CMTM8: variants seen among roughly 807,000 people sequenced by gnomAD.
The protein encoded by CMTM8 is CKLF like MARVEL transmembrane domain containing 8.
A neutral mutation model predicts 18.6 loss-of-function variants in CMTM8; 12 were observed. The observed-to-expected ratio is 0.65, with a 90% CI of 0.41 to 1.05. The LOEUF (loss-of-function observed/expected upper bound fraction) is 1.05, where lower values mean the gene tolerates loss of function less well. Ranked by LOEUF, CMTM8 falls within the 50% of genes least tolerant of loss-of-function variation. The probability of loss-of-function intolerance (pLI) is 0.00; values close to 1 mark genes in which losing one functional copy is unlikely to be tolerated. For synonymous variants in CMTM8, 87 were observed against 90.6 expected (o/e 0.96, Z 0.23); for missense variants, 217 against 227.2 (o/e 0.95, Z 0.29).
Position 32,267,954 on chromosome 3 carries a change from G to C in CMTM8, c.147+28835G>C, listed in dbSNP as rs1442629947. Among the ~76,000 whole-genome samples the C allele has an allele frequency of 1.1e-4, 17 of 152,316 alleles. No homozygotes were observed. The East Asian group carries it at 3.3e-3, about 29-fold the overall frequency. ...TAAAGTCAGGAAACAACAGGTGCTG[G>C]AGAGGATGTGGAGAAATAGGAACAC... On this transcript the variant is annotated intron_variant, in intron 1 of 3. Transcript: ENST00000307526.
intron 3 of CMTM8, 41 bp downstream of exon 3, chr3:32,368,029 C>G (rs747355672): frequency 7.3e-7 from 1 of 1,361,470 alleles, no homozygotes; most frequent in Non-Finnish European, 1.1e-6. Flanking sequence ...CCTCTTCCCT[C>G]TCCAAGGCTT....
At chr3:32,336,568 G>A (rs940758966) in intron 1 of CMTM8, among the ~76,000 whole-genome samples, 1 of 152,240 alleles carries the variant, frequency 6.6e-6, no homozygotes, top group African/African-American at 2.4e-5. Context: ...CTGTTGTGTG[G>A]CTAAATGAGA....
chr3:32,308,929 C>T (rs752055258), intron 1 of CMTM8, among the ~76,000 whole-genome samples: 11 of 152,140 alleles, frequency 7.2e-5, no homozygotes, highest in Non-Finnish European at 1.2e-4. Flanking sequence ...GGAAAGTCAT[C>T]GTGGCAGCTC....
At chr3:32,327,031 A>G (rs1332410948) in intron 1 of CMTM8, among the ~76,000 whole-genome samples, 1 of 151,880 alleles carries the variant, frequency 6.6e-6, no homozygotes, top group African/African-American at 2.4e-5. Context: ...TCTTTCTTGT[A>G]TACACTGGCC....
At chr3:32,352,435 C>G (rs1696728461) in intron 1 of CMTM8, among the ~76,000 whole-genome samples, 1 of 152,196 alleles carries the variant, frequency 6.6e-6, no homozygotes, top group Non-Finnish European at 1.5e-5. Context: ...ATTCTCAGGT[C>G]CATCCTAGAC....
chr3:32,309,887 C>T (rs936826946), intron 1 of CMTM8, among the ~76,000 whole-genome samples: 3 of 152,180 alleles, frequency 2.0e-5, no homozygotes, highest in African/African-American at 4.8e-5. Context: ...CCTGAACTTT[C>T]GATGGGAATG....
chr3:32,312,638 A>G (rs1270587559), intron 1 of CMTM8, among the ~76,000 whole-genome samples: 2 of 152,084 alleles, frequency 1.3e-5, no homozygotes, highest in African/African-American at 4.8e-5. Flanking sequence ...TGGAGGCTGC[A>G]TGACAGAAGC....
chr3:32,319,077 T>A lies in CMTM8; in HGVS notation c.148-38296T>A, dbSNP rs1421447744. Reference sequence around the variant, plus strand: ...ATATACATATATATATATATATATTTTTTTTTTTTTTTTTTTTTGAGACAG... The same window carrying A: ...ATATACATATATATATATATATATTATTTTTTTTTTTTTTTTTTGAGACAG... On this transcript the variant is annotated intron_variant, in intron 1 of 3. Coordinates refer to ENST00000307526, the MANE Select transcript of CMTM8 (RefSeq NM_178868.5). 6.0e-3 allele frequency among the ~76,000 whole-genome samples: 599 copies of A among 100,216 alleles called. 3 individuals are homozygous for A. Among genetic ancestry groups the A allele is most frequent in the African/African-American group, 7.1e-3 (172 of 24,260 alleles). 65.7% of individuals were successfully genotyped at this position (100,216 alleles called of 152,430 possible).
rs763998095 is a variant in CMTM8, at chr3:32,349,881, G to A, written c.148-7492G>A. ...AAATTAGCTGGGTGTGGTGGCGCAC[G>A]CTTGTAATCCCAGCTACTCAGGAGG... On this transcript the variant is annotated intron_variant, in intron 1 of 3. Coordinates refer to ENST00000307526, the MANE Select transcript of CMTM8 (RefSeq NM_178868.5). Among the ~76,000 whole-genome samples, 32 of 152,156 alleles carry A rather than the reference G, an allele frequency of 2.1e-4. No homozygotes were observed. In the East Asian group the frequency reaches 3.1e-3, roughly 15 times the overall value.
At chr3:32,362,056 T>TTTTTTTTTC (rs1305953834) in intron 2 of CMTM8, among the ~76,000 whole-genome samples, 1 of 148,482 alleles carries the variant, frequency 6.7e-6, no homozygotes, top group East Asian at 2.0e-4. Context: ...CTTTTTTTTT[T>TTTTTTTTTC]TGGAGATGGA....
chr3:32,333,224 A>G (rs757537220), intron 1 of CMTM8, among the ~76,000 whole-genome samples: 18 of 152,202 alleles, frequency 1.2e-4, no homozygotes, highest in Non-Finnish European at 2.5e-4. Context: ...TAATTTTTAT[A>G]TGTCACAAAA....
intron 1 of CMTM8, among the ~76,000 whole-genome samples, chr3:32,267,775 A>C (rs972690325): frequency 4.6e-5 from 7 of 152,232 alleles, no homozygotes; most frequent in Non-Finnish European, 7.3e-5. Flanking sequence ...ACCCCATCAA[A>C]AAGTGGGCGA....
intron 1 of CMTM8, among the ~76,000 whole-genome samples, chr3:32,280,876 A>G (rs1702598948): frequency 6.7e-6 from 1 of 149,966 alleles, no homozygotes; most frequent in African/African-American, 2.5e-5. Context: ...AAAAAGTGAC[A>G]ATTATATTTG....
At chr3:32,367,733 C>G (rs555573506) in intron 2 of CMTM8, 139 bp from the exon 3 acceptor site, 2 of 602,584 alleles carry the variant, frequency 3.3e-6, no homozygotes, top group Non-Finnish European at 6.0e-6. Context: ...TGCCTTCCCA[C>G]AGCCTTCTCC....
intron 1 of CMTM8, among the ~76,000 whole-genome samples, chr3:32,320,289 CA>C (rs1286772873): frequency 1.3e-5 from 2 of 152,178 alleles, no homozygotes; most frequent in African/African-American, 4.8e-5. Flanking sequence ...GAATATTGTT[CA>C]GTCATTAAAA....
intron 1 of CMTM8, 60 bp from the exon 2 acceptor site, chr3:32,357,313 C>G (rs1218571808): frequency 7.9e-7 from 1 of 1,260,166 alleles, no homozygotes; most frequent in East Asian, 2.3e-5. Flanking sequence ...TCCCTCCTTC[C>G]TTCTTTTTCT....
intron 1 of CMTM8, among the ~76,000 whole-genome samples, chr3:32,256,407 T>C (rs1330252982): frequency 6.6e-6 from 1 of 152,122 alleles, no homozygotes; most frequent in Non-Finnish European, 1.5e-5. Flanking sequence ...GATGGTCTGG[T>C]AGTATCTAAA....
intron 1 of CMTM8, among the ~76,000 whole-genome samples, chr3:32,290,400 T>C (rs529028843): frequency 6.6e-6 from 1 of 152,358 alleles, no homozygotes; most frequent in Non-Finnish European, 1.5e-5. Flanking sequence ...ATCAGTATTG[T>C]AAGATGTCAG....
At chr3:32,364,557 A>C (rs1696994354) in intron 2 of CMTM8, among the ~76,000 whole-genome samples, 3 of 152,210 alleles carry the variant, frequency 2.0e-5, no homozygotes, top group Non-Finnish European at 4.4e-5. Context: ...GATGTGTACA[A>C]GGCTGATTAT....
Sources: allele counts gnomAD v4.1 joint callset (sites outside exome capture counted in the v4.1 genomes callset), GRCh38; gene constraint gnomAD v4.1.1; transcripts MANE v1.5; gene names NCBI Gene and HGNC (gene_info 2026-07-23, HGNC 2026-07-21).